The following PPP1R12A variants were observed in gnomAD, a reference collection of about 807,000 sequenced individuals.
PPP1R12A encodes the protein myosin binding subunit.
A neutral mutation model predicts 139.6 loss-of-function variants in PPP1R12A; 19 were observed. The ratio of observed to expected loss-of-function variants is 0.14; its 90% CI spans 0.09 to 0.20. The LOEUF (loss-of-function observed/expected upper bound fraction) is 0.20. PPP1R12A is among the 10% of genes least tolerant of loss of function. The probability of loss-of-function intolerance (pLI) is 1.00; values close to 1 mark genes in which losing one functional copy is unlikely to be tolerated. For synonymous variants in PPP1R12A, 427 were observed against 420.6 expected (o/e 1.02, Z -0.19); for missense variants, 925 against 1,211.5 (o/e 0.76, Z 3.51).
intron 14 of PPP1R12A, among the ~76,000 whole-genome samples, chr12:79,804,131 G>T (rs1411305428): frequency 2.0e-5 from 3 of 151,976 alleles, no homozygotes; most frequent in Non-Finnish European, 4.4e-5. Context: ...GCAGAGTAAG[G>T]AGTAAGAAAC....
intron 1 of PPP1R12A, among the ~76,000 whole-genome samples, chr12:79,904,421 C>T (rs991724431): frequency 6.6e-6 from 1 of 152,042 alleles, no homozygotes; most frequent in African/African-American, 2.4e-5. Context: ...CCTAACAAAA[C>T]ATTTTGAATG....
chr12:79,816,526 C>T (rs1481710057), intron 9 of PPP1R12A, among the ~76,000 whole-genome samples: 1 of 151,920 alleles, frequency 6.6e-6, no homozygotes, highest in Non-Finnish European at 1.5e-5. Context: ...CAAACAAAAA[C>T]TCTTAATCGT....
chr12:79,910,432 G>A (rs1886475365), intron 1 of PPP1R12A, among the ~76,000 whole-genome samples: 1 of 151,712 alleles, frequency 6.6e-6, no homozygotes, highest in Admixed American at 6.6e-5. Context: ...AGTGAGCCGA[G>A]ACGGCGCCAC....
At chr12:79,886,161 T>C (rs1445227562) in intron 1 of PPP1R12A, among the ~76,000 whole-genome samples, 1 of 152,196 alleles carries the variant, frequency 6.6e-6, no homozygotes, top group Non-Finnish European at 1.5e-5. Flanking sequence ...AATGTTTTTG[T>C]TCTATTTTAA....
At chr12:79,834,749 T>C (rs896848858) in intron 3 of PPP1R12A, among the ~76,000 whole-genome samples, 3 of 152,198 alleles carry the variant, frequency 2.0e-5, no homozygotes, top group Non-Finnish European at 4.4e-5. Flanking sequence ...AATAAAATAA[T>C]ATGCCATGGG....
intron 14 of PPP1R12A, among the ~76,000 whole-genome samples, chr12:79,805,323 C>T (rs1346026154): frequency 6.6e-6 from 1 of 152,094 alleles, no homozygotes; most frequent in Non-Finnish European, 1.5e-5. Flanking sequence ...AAATAAACCA[C>T]CTTAGAAACT....
At chr12:79,914,590 T>A (rs1219128396) in intron 1 of PPP1R12A, among the ~76,000 whole-genome samples, 1 of 152,074 alleles carries the variant, frequency 6.6e-6, no homozygotes, top group Non-Finnish European at 1.5e-5. Context: ...TTTCCAGCTT[T>A]ATGTCCCCAT....
At chr12:79,779,647 AATC>A (rs1479189671) in intron 23 of PPP1R12A, 1 of 292,334 alleles carries the variant, frequency 3.4e-6, no homozygotes, top group Non-Finnish European at 6.9e-6. Context: ...AATTCATACA[AATC>A]ATCACACTTC....
chr12:79,919,937 AAC>A (rs1446708049), intron 1 of PPP1R12A, among the ~76,000 whole-genome samples: 1 of 152,220 alleles, frequency 6.6e-6, no homozygotes, highest in African/African-American at 2.4e-5. Context: ...TGTACAAATA[AAC>A]AGATTCACAG....
intron 1 of PPP1R12A, among the ~76,000 whole-genome samples, chr12:79,876,230 C>A (rs139965947): frequency 3.9e-5 from 6 of 152,270 alleles, no homozygotes; most frequent in Admixed American, 3.9e-4. Flanking sequence ...TTTCTCCATA[C>A]CGTTTATTAC....
At position 79,793,935 on chromosome 12, in the gene PPP1R12A, A is replaced by G; in HGVS notation, c.2584-7T>C. 6.4e-7 allele frequency: 1 copy of G among 1,553,632 alleles called. No homozygotes were observed. The highest frequency in any genetic ancestry group is 1.3e-5 in the South Asian group (1 of 79,174). ...CTTGTTCATTTTCATCACTCTAAAA[A>G]CAGATTGCCAATTTATATTTTAGGA... is the stretch of plus-strand genomic sequence containing the variant. On this transcript the variant is annotated splice_polypyrimidine_tract_variant and splice_region_variant and intron_variant, in intron 18 of 24. Transcript: ENST00000450142.
intron 23 of PPP1R12A, chr12:79,779,417 C>A: frequency 8.9e-7 from 1 of 1,120,072 alleles, no homozygotes; most frequent in Non-Finnish European, 1.2e-6. Flanking sequence ...ACACTCTTTC[C>A]CAGATTAATA....
intron 13 of PPP1R12A, 149 bp from the exon 14 acceptor site, chr12:79,805,917 C>T (rs970977917): frequency 4.1e-6 from 4 of 987,644 alleles, no homozygotes; most frequent in Admixed American, 2.9e-5. Context: ...AACCAAAAAG[C>T]TCACCCAGAG....
chr12:79,778,509 A>G (rs1413483985), intron 24 of PPP1R12A, 41 bp downstream of exon 24: 3 of 1,338,314 alleles, frequency 2.2e-6, no homozygotes, highest in East Asian at 2.5e-5. Flanking sequence ...ACATTAATAC[A>G]TAAACAGCAC....
At chr12:79,787,966 G>C (rs1410083076) in intron 21 of PPP1R12A, 1 of 152,208 alleles carries the variant, frequency 6.6e-6, no homozygotes, top group Admixed American at 6.5e-5. Flanking sequence ...GAGCAAGATA[G>C]TATCTTCATC....
At chr12:79,828,278 T>C (rs1444458627) in intron 5 of PPP1R12A, 42 bp downstream of exon 5, 10 of 1,529,928 alleles carry the variant, frequency 6.5e-6, no homozygotes, top group Non-Finnish European at 8.9e-6. Flanking sequence ...TAAAACTATA[T>C]TTCTAAAAGT....
intron 2 of PPP1R12A, among the ~76,000 whole-genome samples, chr12:79,853,416 C>T (rs1422086704): frequency 1.3e-5 from 2 of 152,170 alleles, no homozygotes; most frequent in Non-Finnish European, 2.9e-5. Context: ...ATTCTCTCCA[C>T]CTTTCAGAGT....
chr12:79,787,598 G>T (rs1188360949), intron 21 of PPP1R12A: 2 of 152,262 alleles, frequency 1.3e-5, no homozygotes, highest in African/African-American at 2.4e-5. Context: ...TGCAACCTCT[G>T]CCTCCTGGGT....
intron 1 of PPP1R12A, among the ~76,000 whole-genome samples, chr12:79,901,374 T>C (rs189979820): frequency 6.6e-6 from 1 of 152,278 alleles, no homozygotes; most frequent in East Asian, 1.9e-4. Context: ...TGAGTTGTTT[T>C]CAGTTCTTGG....
Sources: gnomAD v4.1 joint callset for allele counts (sites outside exome capture counted in the v4.1 genomes callset) on GRCh38, gnomAD v4.1.1 for gene constraint, MANE v1.5 for transcripts, NCBI Gene and HGNC (gene_info 2026-07-23, HGNC 2026-07-21) for gene names.